RNF150: variants seen among roughly 807,000 people sequenced by gnomAD.
RNF150 encodes ring finger protein 150.
RNF150 carries 24 observed loss-of-function variants against 39.3 expected under a neutral mutation model. The observed-to-expected ratio is 0.61, with a 90% CI of 0.44 to 0.86. The LOEUF (loss-of-function observed/expected upper bound fraction) is 0.86. Among genes scored for constraint, RNF150 ranks in the 40% least tolerant of loss-of-function variants. The pLI is 0.00. For missense variants in RNF150, 502 were observed against 587.8 expected, an observed-to-expected ratio of 0.85 and a Z score of 1.51; for synonymous variants, 255 against 227.3, an observed-to-expected ratio of 1.12 and a Z score of -1.10.
At position 141,132,909 on chromosome 4, in the gene RNF150, T is replaced by C; in HGVS notation, c.-101A>G. The C allele has an allele frequency of 1.0e-6, 1 of 973,306 alleles. No individual in the cohort carries two copies. Among genetic ancestry groups the C allele is most frequent in the East Asian group, 2.8e-5 (1 of 35,494 alleles). 60.3% of individuals were successfully genotyped at this position (973,306 alleles called of 1,614,324 possible). ...CCCGGGCCGCTGCCTCTCCTCCTGC[T>C]GCTGCTCACTCCCGGGCCGGAGGGG... On this transcript the variant is annotated 5_prime_UTR_variant, in exon 1 of 7. Coordinates refer to ENST00000515673, the MANE Select transcript of RNF150 (RefSeq NM_020724.2). This position sits in a 1 kb window ranked among gnomAD's most constrained non-coding sequence, Gnocchi z 4.9.
intron 1 of RNF150, among the ~76,000 whole-genome samples, chr4:141,076,835 A>T (rs770356050): frequency 6.6e-6 from 1 of 152,204 alleles, no homozygotes; most frequent in Non-Finnish European, 1.5e-5. Context: ...TATTCATTTT[A>T]AAATATTTAA....
At chr4:141,056,452 A>C (rs1210419321) in intron 1 of RNF150, among the ~76,000 whole-genome samples, 2 of 152,072 alleles carry the variant, frequency 1.3e-5, no homozygotes, top group African/African-American at 2.4e-5. Flanking sequence ...CTTAAAAGAG[A>C]AGGGTGTGAG....
rs560499017 is a variant in RNF150, at chr4:141,075,795, A to G, written c.484+56530T>C. On this transcript the variant is annotated intron_variant, in intron 1 of 6. Transcript: ENST00000515673. ...GAGGTTTGCTGGGAAAATCTCTAGC[A>G]GAAGATAATTTTCTCAGTGGGGTGA... Among the ~76,000 whole-genome samples, 33 of 152,274 alleles carry G rather than the reference A, an allele frequency of 2.2e-4. 1 individual carries two copies. The South Asian group carries it at 6.9e-3, about 32-fold the overall frequency.
Position 140,889,968 on chromosome 4 carries a change from C to T in RNF150, c.1198+21176G>A, listed in dbSNP as rs535550244. Among the ~76,000 whole-genome samples, 180 of 152,228 alleles carry T rather than the reference C, an allele frequency of 1.2e-3. 1 individual carries two copies. Among genetic ancestry groups the T allele is most frequent in the African/African-American group, 4.2e-3 (176 of 41,540 alleles). Reference sequence around the variant, plus strand: ...AATTTTTATTGAATGAATGATGTTTCATTTAAGCCTGCCTTTTTAATTAAG... The same window carrying T: ...AATTTTTATTGAATGAATGATGTTTTATTTAAGCCTGCCTTTTTAATTAAG... On this transcript the variant is annotated intron_variant, in intron 6 of 6. Transcript: ENST00000515673.
At chr4:141,144,123 A>T (rs1280352938) in intron 1 of RNF150, among the ~76,000 whole-genome samples, 4 of 133,836 alleles carry the variant, frequency 3.0e-5, no homozygotes, top group Non-Finnish European at 4.7e-5. Flanking sequence ...TGCTGGGGGA[A>T]AAAAAACCCA....
intron 1 of RNF150, among the ~76,000 whole-genome samples, chr4:141,178,610 A>C (rs913888019): frequency 3.3e-5 from 5 of 152,086 alleles, no homozygotes; most frequent in Non-Finnish European, 7.4e-5. Flanking sequence ...TACTGTCTTT[A>C]GCTTAAAGAA....
intron 1 of RNF150, among the ~76,000 whole-genome samples, chr4:141,112,197 C>T (rs1578741776): frequency 3.9e-5 from 6 of 152,266 alleles, no homozygotes; most frequent in Admixed American, 3.9e-4. Context: ...CAGTCTGTGT[C>T]TTTTAATTGG....
chr4:141,134,600 A>T (rs972943682), upstream of RNF150, among the ~76,000 whole-genome samples: 2 of 152,336 alleles, frequency 1.3e-5, no homozygotes, highest in Middle Eastern at 3.4e-3. Context: ...GGGAGGGCAA[A>T]GAGCCTCAGC....
At chr4:140,994,750 C>G (rs748873991) in intron 1 of RNF150, among the ~76,000 whole-genome samples, 1 of 152,224 alleles carries the variant, frequency 6.6e-6, no homozygotes, top group Non-Finnish European at 1.5e-5. Flanking sequence ...AGGCAGGAAG[C>G]ATTTTCCACC....
chr4:140,932,771 G>A (rs923837642), intron 4 of RNF150, among the ~76,000 whole-genome samples: 2 of 152,178 alleles, frequency 1.3e-5, no homozygotes, highest in African/African-American at 4.8e-5. Context: ...GGTGGCTATG[G>A]CCATGTGACT....
intron 1 of RNF150, among the ~76,000 whole-genome samples, chr4:141,203,978 A>C (rs912844045): frequency 6.6e-6 from 1 of 152,166 alleles, no homozygotes; most frequent in Non-Finnish European, 1.5e-5. Flanking sequence ...CAGAGAGAAA[A>C]GAAATCCAAG....
chr4:141,133,177 G>A lies in RNF150; in HGVS notation c.-369C>T. 2 of 246,730 alleles carry A rather than the reference G, an allele frequency of 8.1e-6. No homozygotes were observed. The highest frequency in any genetic ancestry group is 1.6e-5 in the Non-Finnish European group (2 of 128,658). 15.3% of individuals were successfully genotyped at this position (246,730 alleles called of 1,614,324 possible). On this transcript the variant is annotated 5_prime_UTR_variant, in exon 1 of 7. Transcript: ENST00000515673. ...GGGCCCACGAACTTGCAGGGTGGCGGCCCTGCGCCCTCCAGCCCCGGCGGG... is the reference window on the plus strand; with the variant it reads ...GGGCCCACGAACTTGCAGGGTGGCGACCCTGCGCCCTCCAGCCCCGGCGGG...
At chr4:141,171,456 CAGAA>C (rs1368367033) in intron 1 of RNF150, among the ~76,000 whole-genome samples, 1 of 87,994 alleles carries the variant, frequency 1.1e-5, no homozygotes, top group Admixed American at 1.5e-4. Context: ...GAGAGACAGA[CAGAA>C]AGAGAGAGAG....
chr4:141,139,163 C>T (rs546834023), intron 1 of RNF150, among the ~76,000 whole-genome samples: 16 of 152,246 alleles, frequency 1.1e-4, no homozygotes, highest in African/African-American at 3.6e-4. Flanking sequence ...TGTGGTGAGC[C>T]ATGACCAATC....
At chr4:141,089,735 T>C (rs1204932671) in intron 1 of RNF150, among the ~76,000 whole-genome samples, 1 of 152,202 alleles carries the variant, frequency 6.6e-6, no homozygotes, top group Non-Finnish European at 1.5e-5. Context: ...CATAATCTAA[T>C]TTGTCTTTCT....
At chr4:141,062,246 T>C (rs1737260554) in intron 1 of RNF150, among the ~76,000 whole-genome samples, 1 of 152,082 alleles carries the variant, frequency 6.6e-6, no homozygotes, top group Non-Finnish European at 1.5e-5. Context: ...TCTGAGTCTT[T>C]GCGTAAAATT....
intron 1 of RNF150, among the ~76,000 whole-genome samples, chr4:141,156,508 C>T (rs145503685): frequency 2.2e-3 from 329 of 152,004 alleles, no homozygotes; most frequent in African/African-American, 6.7e-3. Context: ...CTTGAATGAC[C>T]GAGCTTAGGT....
intron 1 of RNF150, among the ~76,000 whole-genome samples, chr4:141,044,879 C>T (rs2110870563): frequency 6.6e-6 from 1 of 152,262 alleles, no homozygotes; most frequent in South Asian, 2.1e-4. Context: ...TTGATCTCAA[C>T]ATCTGTTTTG....
chr4:141,179,840 T>C (rs1035127664), intron 1 of RNF150, among the ~76,000 whole-genome samples: 1 of 152,146 alleles, frequency 6.6e-6, no homozygotes, highest in Admixed American at 6.6e-5. Flanking sequence ...AGCCATCACA[T>C]ATTGGGCTCA....
Sources: allele counts gnomAD v4.1 joint callset (sites outside exome capture counted in the v4.1 genomes callset), GRCh38; gene constraint gnomAD v4.1.1; non-coding constraint Gnocchi (gnomAD v3.1); transcripts MANE v1.5; gene names NCBI Gene and HGNC (gene_info 2026-07-23, HGNC 2026-07-21).